Variants in SPOCK1 observed in about 807,000 individuals in gnomAD.
SPOCK1 encodes the protein testican-1.
In SPOCK1, 23 loss-of-function variants were observed where a neutral mutation model predicts 55.3. The ratio of observed to expected loss-of-function variants is 0.42; its 90% confidence interval spans 0.30 to 0.59. SPOCK1 has a LOEUF of 0.59. Ranked by LOEUF, SPOCK1 falls within the 20% of genes least tolerant of loss-of-function variation. The probability of loss-of-function intolerance (pLI) is 0.22; values close to 1 mark genes in which losing one functional copy is unlikely to be tolerated. For synonymous variants in SPOCK1, 226 were observed against 221.0 expected, an observed-to-expected ratio of 1.02 and a Z score of -0.20; for missense variants, 499 against 552.5, an observed-to-expected ratio of 0.90 and a Z score of 0.97.
chr5:137,224,286 A>T (rs986009512), intron 3 of SPOCK1, among the ~76,000 whole-genome samples: 2 of 152,264 alleles, frequency 1.3e-5, no homozygotes, highest in Non-Finnish European at 2.9e-5. Flanking sequence ...GATGTCTCCA[A>T]TATAAATCTG....
chr5:137,180,733 C>G (rs1454491259), intron 3 of SPOCK1, among the ~76,000 whole-genome samples: 9 of 152,270 alleles, frequency 5.9e-5, no homozygotes, highest in African/African-American at 2.2e-4. Flanking sequence ...TGTGAGGAGG[C>G]CTCATTTCCC....
chr5:137,170,049 TTTG>T (rs1754722044), intron 3 of SPOCK1, among the ~76,000 whole-genome samples: 1 of 152,194 alleles, frequency 6.6e-6, no homozygotes, highest in Admixed American at 6.5e-5. Context: ...CCATGAGGAA[TTTG>T]TTCCAGGACC....
chr5:137,255,743 A>C (rs1756619707), intron 3 of SPOCK1, among the ~76,000 whole-genome samples: 1 of 152,246 alleles, frequency 6.6e-6, no homozygotes, highest in Non-Finnish European at 1.5e-5. Flanking sequence ...GAGCTAGAGC[A>C]GAGTTCAGGG....
intron 2 of SPOCK1, among the ~76,000 whole-genome samples, chr5:137,374,977 C>T (rs1164977963): frequency 6.6e-6 from 1 of 152,006 alleles, no homozygotes; most frequent in East Asian, 1.9e-4. Context: ...GCTGGGGGCT[C>T]CAAGCCACTC....
intron 2 of SPOCK1, among the ~76,000 whole-genome samples, chr5:137,474,105 G>A (rs948724449): frequency 6.6e-6 from 1 of 152,042 alleles, no homozygotes; most frequent in Non-Finnish European, 1.5e-5. Flanking sequence ...GAGTGGGAGG[G>A]GAGCGAGGGA....
At chr5:137,373,967 A>C (rs1751255406) in intron 2 of SPOCK1, among the ~76,000 whole-genome samples, 1 of 152,258 alleles carries the variant, frequency 6.6e-6, no homozygotes, top group Admixed American at 6.5e-5. Flanking sequence ...TTAAGAAAAG[A>C]AAAGAAAATC....
intron 2 of SPOCK1, among the ~76,000 whole-genome samples, chr5:137,356,724 G>A (rs1188165820): frequency 6.8e-6 from 1 of 147,032 alleles, no homozygotes; most frequent in East Asian, 2.0e-4. Flanking sequence ...CCATGGAGCA[G>A]AGGTTGCAGT....
In SPOCK1 at chr5:137,037,735, A is replaced by G. The variant is rs552796211; in HGVS notation, c.589+29980T>C. On this transcript the variant is annotated intron_variant, in intron 6 of 10. Transcript: ENST00000394945. Reference sequence around the variant, plus strand: ...TAAAAAAAAGTTTCCTGATACATAAATACGCGTTGGGAATAACAGACCTAG... The same window carrying G: ...TAAAAAAAAGTTTCCTGATACATAAGTACGCGTTGGGAATAACAGACCTAG... 2.6e-3 allele frequency among the ~76,000 whole-genome samples: 403 copies of G among 152,268 alleles called. 4 individuals are homozygous for G. The highest frequency in any genetic ancestry group is 2.7e-3 in the Non-Finnish European group (183 of 68,020).
At chr5:137,457,046 A>G (rs1753382123) in intron 2 of SPOCK1, among the ~76,000 whole-genome samples, 1 of 152,182 alleles carries the variant, frequency 6.6e-6, no homozygotes, top group South Asian at 2.1e-4. Flanking sequence ...TGGGGCTCTC[A>G]GTTTAGCTTG....
chr5:137,137,222 C>G (rs1754000430), intron 4 of SPOCK1, among the ~76,000 whole-genome samples: 2 of 152,206 alleles, frequency 1.3e-5, no homozygotes, highest in Admixed American at 6.5e-5. Flanking sequence ...GACTGTCTGG[C>G]AGGTGAGATT....
intron 6 of SPOCK1, among the ~76,000 whole-genome samples, chr5:137,021,178 CAATGTTG>C (rs963718876): frequency 5.3e-5 from 8 of 152,074 alleles, no homozygotes; most frequent in African/African-American, 1.7e-4. Flanking sequence ...TTCTTGTTTA[CAATGTTG>C]AATGCTACAT....
At chr5:137,151,617 C>A (rs1404557322) in intron 3 of SPOCK1, among the ~76,000 whole-genome samples, 1 of 152,162 alleles carries the variant, frequency 6.6e-6, no homozygotes, top group Non-Finnish European at 1.5e-5. Context: ...TCTTGCAGGA[C>A]CAGAAAGCAG....
chr5:137,430,774 T>C (rs948537775), intron 2 of SPOCK1, among the ~76,000 whole-genome samples: 6 of 152,202 alleles, frequency 3.9e-5, no homozygotes, highest in African/African-American at 7.2e-5. Context: ...CCTCCAGAAA[T>C]GTATACCGTA....
chr5:137,451,904 G>C (rs1292705596), intron 2 of SPOCK1, among the ~76,000 whole-genome samples: 1 of 152,214 alleles, frequency 6.6e-6, no homozygotes, highest in Admixed American at 6.5e-5. Flanking sequence ...AGACCCTAAA[G>C]GTTGAGTTTC....
intron 2 of SPOCK1, among the ~76,000 whole-genome samples, chr5:137,347,861 C>G (rs1442115508): frequency 6.6e-6 from 1 of 152,210 alleles, no homozygotes; most frequent in African/African-American, 2.4e-5. Context: ...CTACACGTGC[C>G]CTTCCTGAGC....
At chr5:137,340,038 C>T (rs1439330820) in intron 2 of SPOCK1, among the ~76,000 whole-genome samples, 1 of 152,062 alleles carries the variant, frequency 6.6e-6, no homozygotes, top group African/African-American at 2.4e-5. Context: ...GGGCCATGTT[C>T]TCTAGAGCAC....
chr5:137,055,572 T>C (rs1752286926), intron 6 of SPOCK1, among the ~76,000 whole-genome samples: 1 of 152,190 alleles, frequency 6.6e-6, no homozygotes, highest in African/African-American at 2.4e-5. Context: ...ATAATTCTTA[T>C]AACAGGAGCT....
chr5:137,439,198 C>T (rs1346037978), intron 2 of SPOCK1, among the ~76,000 whole-genome samples: 1 of 152,190 alleles, frequency 6.6e-6, no homozygotes, highest in Non-Finnish European at 1.5e-5. Context: ...GGCTGTGACA[C>T]AGTGCTGAAG....
chr5:137,408,860 T>C (rs1752153314), intron 2 of SPOCK1, among the ~76,000 whole-genome samples: 1 of 152,220 alleles, frequency 6.6e-6, no homozygotes. Context: ...CCATGCTTCT[T>C]AGCCTCTGGG....
Sources: allele counts gnomAD v4.1 joint callset (sites outside exome capture counted in the v4.1 genomes callset), GRCh38; gene constraint gnomAD v4.1.1; transcripts MANE v1.5; gene names NCBI Gene and HGNC (gene_info 2026-07-23, HGNC 2026-07-21).